The following CEP57L1 variants were observed in gnomAD, a reference collection of about 807,000 sequenced individuals.
CEP57L1 encodes centrosomal protein 57 like 1.
A neutral mutation model predicts 61.0 loss-of-function variants in CEP57L1; 37 were observed. That is an observed-to-expected ratio of 0.61 (90% CI 0.47 to 0.80). CEP57L1 has a LOEUF of 0.80. CEP57L1 is among the 30% of genes least tolerant of loss of function. The pLI is 0.00. For synonymous variants in CEP57L1, 137 were observed against 162.3 expected (o/e 0.84, Z 1.19); for missense variants, 422 against 524.7 (o/e 0.80, Z 1.91).
Position 109,145,590 on chromosome 6 carries a change from G to A in CEP57L1, c.160+209G>A, listed in dbSNP as rs554622386. 1.5e-4 allele frequency among the ~76,000 whole-genome samples: 23 copies of A among 151,862 alleles called. No individual in the cohort carries two copies. The East Asian group carries it at 3.5e-3, about 23-fold the overall frequency. On this transcript the variant is annotated intron_variant, in intron 2 of 10. Transcript: ENST00000517392. ...CATAAAATGAAGATTAATACAACCA[G>A]CTGGACACATATCACAGAGTTATCA...
At position 109,171,964 on chromosome 6, in the gene CEP57L1, G is replaced by A. The variant is rs533649751; in HGVS notation, c.*8994G>A. On this transcript the variant is annotated 3_prime_UTR_variant, in exon 11 of 11. Transcript: ENST00000517392. ...TAACCTTACCTCAGTGTTTTATCTC[G>A]GGTGGTCCCCAAGACCACCTTCAGG... Among the ~76,000 whole-genome samples the A allele has an allele frequency of 2.6e-5, 4 of 152,198 alleles. No individual in the cohort carries two copies. Among genetic ancestry groups the A allele is most frequent in the African/African-American group, 7.2e-5 (3 of 41,530 alleles).
chr6:109,097,965 G>A (rs117323902), intron 1 of CEP57L1, among the ~76,000 whole-genome samples: 1,963 of 152,312 alleles, frequency 0.013, 19 homozygotes, highest in Non-Finnish European at 0.021. Flanking sequence ...AGCACAATGA[G>A]TACAAAGAGG....
intron 3 of CEP57L1, among the ~76,000 whole-genome samples, chr6:109,148,960 G>A (rs2114888259): frequency 6.6e-6 from 1 of 152,274 alleles, no homozygotes; most frequent in South Asian, 2.1e-4. Context: ...ACTTGTTGAT[G>A]GGGCTGTTTG....
chr6:109,129,556 A>G lies in CEP57L1; in HGVS notation c.-3-15663A>G, dbSNP rs572575195. ...ATTTGGGCATATAATTTACTTCTAC[A>G]TTAAATTTTCAACCTGTTCTCTAGT... On this transcript the variant is annotated intron_variant, in intron 1 of 10. Transcript: ENST00000517392. 36 of 455,266 alleles carry G rather than the reference A, an allele frequency of 7.9e-5. No homozygotes were observed. In the Middle Eastern group the frequency reaches 1.3e-3, roughly 16 times the overall value. 28.2% of individuals were successfully genotyped at this position (455,266 alleles called of 1,614,324 possible).
At chr6:109,145,731 AG>A (rs1771890914) in intron 2 of CEP57L1, among the ~76,000 whole-genome samples, 1 of 152,020 alleles carries the variant, frequency 6.6e-6, no homozygotes, top group Admixed American at 6.6e-5. Context: ...ATCTTATTCA[AG>A]AATTAGATTC....
At chr6:109,161,482 T>C (rs937912755) in intron 10 of CEP57L1, among the ~76,000 whole-genome samples, 1 of 152,122 alleles carries the variant, frequency 6.6e-6, no homozygotes, top group Middle Eastern at 3.2e-3. Flanking sequence ...GTTAGTGATA[T>C]ATGAATGTCA....
chr6:109,162,627 A>G, intron 10 of CEP57L1, 122 bp from the exon 11 acceptor site: 1 of 663,036 alleles, frequency 1.5e-6, no homozygotes, highest in Non-Finnish European at 2.6e-6. Context: ...AACTTAATGA[A>G]TTGAATTTTT....
rs1364278490 is a variant in CEP57L1 at position 109,174,261 on chromosome 6, T to G, written c.*11291T>G. ...TGCACTGAGAACTTTTCAGATTTCT[T>G]GCAGAGGTCATAATGTTCCAGACAA... On this transcript the variant is annotated 3_prime_UTR_variant, in exon 11 of 11. Coordinates refer to ENST00000517392, the MANE Select transcript of CEP57L1 (RefSeq NM_001271852.3). Among the ~76,000 whole-genome samples the G allele has an allele frequency of 6.6e-6, 1 of 152,186 alleles. No individual in the cohort carries two copies. The highest frequency in any genetic ancestry group is 1.5e-5 in the Non-Finnish European group (1 of 68,040).
intron 1 of CEP57L1, among the ~76,000 whole-genome samples, chr6:109,136,667 T>C (rs2114803020): frequency 6.6e-6 from 1 of 151,716 alleles, no homozygotes; most frequent in East Asian, 1.9e-4. Flanking sequence ...GGTGCTTCAG[T>C]TTGAACCAAA....
At position 109,167,563 on chromosome 6, in the gene CEP57L1, G is replaced by C. The variant is rs10454302; in HGVS notation, c.*4593G>C. ...GCTGGGTGTGGTAGCATGCAGTCCA[G>C]CTACTCGGGAGGCTGAGGCAGGATA... On this transcript the variant is annotated 3_prime_UTR_variant, in exon 11 of 11. Transcript: ENST00000517392. Among the ~76,000 whole-genome samples, 7,196 of 152,156 alleles carry C rather than the reference G, an allele frequency of 0.047. 258 individuals carry two copies. The highest frequency in any genetic ancestry group is 0.18 in the East Asian group (907 of 5,172).
intron 3 of CEP57L1, 60 bp downstream of exon 3, chr6:109,146,997 A>G (rs1772036956): frequency 7.2e-7 from 1 of 1,391,540 alleles, no homozygotes; most frequent in Non-Finnish European, 9.8e-7. Context: ...TTCAAAAATA[A>G]TAAACCTAGT....
At chr6:109,153,798 A>G (rs762022486) in intron 4 of CEP57L1, 35 bp from the exon 5 acceptor site, 2 of 1,291,914 alleles carry the variant, frequency 1.5e-6, no homozygotes, top group Non-Finnish European at 2.2e-6. Context: ...TACTTGCCAA[A>G]TTCAGGGTTG....
At chr6:109,138,086 A>G (rs1770938148) in intron 1 of CEP57L1, among the ~76,000 whole-genome samples, 1 of 152,204 alleles carries the variant, frequency 6.6e-6, no homozygotes, top group Non-Finnish European at 1.5e-5. Flanking sequence ...GTGGGGCTAG[A>G]GAGGACTGAA....
At chr6:109,108,660 G>A (rs1224469371) in intron 1 of CEP57L1, among the ~76,000 whole-genome samples, 1 of 151,976 alleles carries the variant, frequency 6.6e-6, no homozygotes, top group Non-Finnish European at 1.5e-5. Flanking sequence ...TCTATTTCTT[G>A]TTCCAAAATA....
At chr6:109,119,451 T>C (rs890449923) in intron 1 of CEP57L1, among the ~76,000 whole-genome samples, 2 of 152,138 alleles carry the variant, frequency 1.3e-5, no homozygotes, top group Non-Finnish European at 2.9e-5. Flanking sequence ...GTTGACCTCC[T>C]CAGGACTTGA....
intron 1 of CEP57L1, among the ~76,000 whole-genome samples, chr6:109,102,794 A>T (rs1404040282): frequency 6.6e-6 from 1 of 152,204 alleles, no homozygotes; most frequent in Non-Finnish European, 1.5e-5. Context: ...CTGAATCTGT[A>T]CAACTATATT....
At chr6:109,161,482 T>G (rs937912755) in intron 10 of CEP57L1, among the ~76,000 whole-genome samples, 2 of 152,122 alleles carry the variant, frequency 1.3e-5, no homozygotes, top group African/African-American at 4.8e-5. Context: ...GTTAGTGATA[T>G]ATGAATGTCA....
intron 1 of CEP57L1, among the ~76,000 whole-genome samples, chr6:109,112,946 A>T (rs1404674303): frequency 6.6e-6 from 1 of 152,080 alleles, no homozygotes; most frequent in East Asian, 1.9e-4. Context: ...GGTCAATTTT[A>T]GAATAAGTGT....
chr6:109,144,898 A>G (rs1166073294), intron 1 of CEP57L1, among the ~76,000 whole-genome samples: 1 of 151,986 alleles, frequency 6.6e-6, no homozygotes, highest in Admixed American at 6.6e-5. Flanking sequence ...GCTTATAGAG[A>G]AGTGCTCAGA....
Sources: allele counts gnomAD v4.1 joint callset (sites outside exome capture counted in the v4.1 genomes callset), GRCh38; gene constraint gnomAD v4.1.1; transcripts MANE v1.5; gene names NCBI Gene and HGNC (gene_info 2026-07-23, HGNC 2026-07-21).